The following VWC2L variants were observed in gnomAD, a reference collection of about 807,000 sequenced individuals.
VWC2L encodes von Willebrand factor C domain containing 2 like.
A neutral mutation model predicts 21.6 loss-of-function variants in VWC2L; 10 were observed. The observed-to-expected ratio is 0.46, with a 90% CI of 0.29 to 0.78. The LOEUF (loss-of-function observed/expected upper bound fraction) is 0.78, where lower values mean the gene tolerates loss of function less well. Ranked by LOEUF, VWC2L falls within the 30% of genes least tolerant of loss-of-function variation. VWC2L has a pLI of 0.10. For missense variants in VWC2L, 209 were observed against 277.1 expected, an observed-to-expected ratio of 0.75 and a Z score of 1.74; for synonymous variants, 96 against 94.3, an observed-to-expected ratio of 1.02 and a Z score of -0.10.
intron 3 of VWC2L, among the ~76,000 whole-genome samples, chr2:214,572,201 T>C (rs894842860): frequency 9.9e-5 from 15 of 152,226 alleles, no homozygotes; most frequent in African/African-American, 2.4e-4. Context: ...GTTCAATTCA[T>C]TGAGAATCAA....
At chr2:214,455,603 T>C (rs899979873) in intron 3 of VWC2L, among the ~76,000 whole-genome samples, 3 of 152,220 alleles carry the variant, frequency 2.0e-5, no homozygotes, top group South Asian at 2.1e-4. Context: ...GTTTTAACTA[T>C]AGTCACCTTA....
At chr2:214,430,595 TTA>T (rs928687066) in intron 2 of VWC2L, among the ~76,000 whole-genome samples, 1 of 152,204 alleles carries the variant, frequency 6.6e-6, no homozygotes, top group African/African-American at 2.4e-5. Flanking sequence ...ACCTAGTTTA[TTA>T]TATCTACATG....
chr2:214,486,997 G>A (rs903518395), intron 3 of VWC2L, among the ~76,000 whole-genome samples: 5 of 152,142 alleles, frequency 3.3e-5, no homozygotes, highest in Admixed American at 2.0e-4. Context: ...TTTAAATGAA[G>A]TCATTAGCAT....
rs1018611681 is a variant in VWC2L, at chr2:214,446,525, A to G, written c.520+9767A>G. 2.0e-5 allele frequency among the ~76,000 whole-genome samples: 3 copies of G among 152,360 alleles called. No homozygotes were observed. In the South Asian group the frequency reaches 6.2e-4, roughly 32 times the overall value. ...TACAATGTTGACACAATAAAAATTA[A>G]TGCCATGTTCATTTCCTGCTAATCA... On this transcript the variant is annotated intron_variant, in intron 3 of 3. Coordinates refer to ENST00000312504, the MANE Select transcript of VWC2L (RefSeq NM_001080500.4).
chr2:214,456,314 C>T (rs1703054639), intron 3 of VWC2L, among the ~76,000 whole-genome samples: 1 of 151,874 alleles, frequency 6.6e-6, no homozygotes, highest in South Asian at 2.1e-4. Flanking sequence ...TTTTTATATA[C>T]CTGTTGGCTA....
At chr2:214,574,768 A>G (rs140220724) in intron 3 of VWC2L, among the ~76,000 whole-genome samples, 107 of 152,156 alleles carry the variant, frequency 7.0e-4, no homozygotes, top group African/African-American at 2.3e-3. Context: ...TTTTTTTTCC[A>G]TTTGAATTTG....
At chr2:214,522,016 AATG>A (rs1353896651) in intron 3 of VWC2L, among the ~76,000 whole-genome samples, 1 of 152,198 alleles carries the variant, frequency 6.6e-6, no homozygotes, top group Non-Finnish European at 1.5e-5. Flanking sequence ...TATGTTTATA[AATG>A]ATGTTTACTT....
At chr2:214,426,633 C>T (rs1037325110) in intron 2 of VWC2L, among the ~76,000 whole-genome samples, 16 of 152,186 alleles carry the variant, frequency 1.1e-4, no homozygotes, top group Non-Finnish European at 2.1e-4. Context: ...AAATTTGTGC[C>T]TTTGTCCTTG....
At chr2:214,501,801 C>G (rs985464835) in intron 3 of VWC2L, among the ~76,000 whole-genome samples, 3 of 151,778 alleles carry the variant, frequency 2.0e-5, no homozygotes, top group Non-Finnish European at 4.4e-5. Context: ...TGCCATTGCT[C>G]TCTTGGGATC....
At chr2:214,572,661 A>T (rs545625639) in intron 3 of VWC2L, among the ~76,000 whole-genome samples, 5 of 152,328 alleles carry the variant, frequency 3.3e-5, no homozygotes, top group African/African-American at 9.6e-5. Context: ...AACCAGAATC[A>T]TTTTAAATAG....
At chr2:214,513,546 T>C (rs1689091822) in intron 3 of VWC2L, among the ~76,000 whole-genome samples, 2 of 152,124 alleles carry the variant, frequency 1.3e-5, no homozygotes, top group Non-Finnish European at 2.9e-5. Flanking sequence ...ACTATTGCTG[T>C]TCCTTAGAAC....
intron 3 of VWC2L, among the ~76,000 whole-genome samples, chr2:214,543,061 T>A (rs1160381079): frequency 1.3e-5 from 2 of 152,196 alleles, no homozygotes; most frequent in African/African-American, 4.8e-5. Flanking sequence ...ACATTCAGTT[T>A]ACATATTTTC....
At chr2:214,534,433 T>C (rs1317445033) in intron 3 of VWC2L, among the ~76,000 whole-genome samples, 1 of 152,128 alleles carries the variant, frequency 6.6e-6, no homozygotes, top group Non-Finnish European at 1.5e-5. Flanking sequence ...GACAGAATCC[T>C]ATGGATTGTT....
chr2:214,507,677 T>C (rs556431942), intron 3 of VWC2L, among the ~76,000 whole-genome samples: 5 of 152,316 alleles, frequency 3.3e-5, no homozygotes, highest in Admixed American at 6.5e-5. Context: ...TCATGTGATG[T>C]TATCAAGAAC....
chr2:214,511,426 G>A (rs912555599), intron 3 of VWC2L, among the ~76,000 whole-genome samples: 12 of 152,060 alleles, frequency 7.9e-5, no homozygotes, highest in Non-Finnish European at 1.8e-4. Context: ...GATTGAAAGA[G>A]GTCATAAGGG....
At chr2:214,553,261 A>C (rs1689822600) in intron 3 of VWC2L, among the ~76,000 whole-genome samples, 1 of 152,216 alleles carries the variant, frequency 6.6e-6, no homozygotes, top group Non-Finnish European at 1.5e-5. Flanking sequence ...ATTTGAAGAG[A>C]TTTATTCTGA....
chr2:214,422,946 G>A (rs888001702), intron 2 of VWC2L, among the ~76,000 whole-genome samples: 3 of 151,954 alleles, frequency 2.0e-5, no homozygotes, highest in Non-Finnish European at 2.9e-5. Context: ...ACTCAAATAC[G>A]TTTATTCTGG....
chr2:214,503,996 T>C (rs1688932552), intron 3 of VWC2L, among the ~76,000 whole-genome samples: 1 of 152,194 alleles, frequency 6.6e-6, no homozygotes, highest in Admixed American at 6.5e-5. Flanking sequence ...ACCACTTATA[T>C]TTAGACACTG....
At chr2:214,465,216 T>C (rs1703199099) in intron 3 of VWC2L, among the ~76,000 whole-genome samples, 1 of 152,114 alleles carries the variant, frequency 6.6e-6, no homozygotes, top group South Asian at 2.1e-4. Flanking sequence ...CTCCCCATGG[T>C]CACCACAGCT....
Sources: gnomAD v4.1 joint callset for allele counts (sites outside exome capture counted in the v4.1 genomes callset) on GRCh38, gnomAD v4.1.1 for gene constraint, MANE v1.5 for transcripts, NCBI Gene and HGNC (gene_info 2026-07-23, HGNC 2026-07-21) for gene names.